The following FHIT variants were observed in gnomAD, a reference collection of about 807,000 sequenced individuals.
FHIT encodes bis(5'-adenosyl)-triphosphatase.
A neutral mutation model predicts 17.9 loss-of-function variants in FHIT; 19 were observed. That is an observed-to-expected ratio of 1.06 (90% confidence interval 0.74 to 1.56). The LOEUF is 1.56. Among genes scored for constraint, FHIT ranks in the 40% most tolerant of loss-of-function variants. FHIT has a pLI of 0.00. For missense variants in FHIT, 248 were observed against 189.2 expected (o/e 1.31, Z -1.82); for synonymous variants, 81 against 69.7 (o/e 1.16, Z -0.81).
intron 5 of FHIT, among the ~76,000 whole-genome samples, chr3:60,125,670 A>G (rs1252809952): frequency 7.8e-6 from 1 of 128,516 alleles, no homozygotes; most frequent in African/African-American, 3.0e-5. Context: ...TTGTGTATAT[A>G]TATGTGTGTG....
chr3:60,863,599 T>G (rs1217779588), intron 3 of FHIT, among the ~76,000 whole-genome samples: 4 of 152,296 alleles, frequency 2.6e-5, no homozygotes, highest in Non-Finnish European at 4.4e-5. Flanking sequence ...GTGGAATAAA[T>G]TAATGCACTC....
intron 7 of FHIT, among the ~76,000 whole-genome samples, chr3:59,954,623 G>C (rs1707302731): frequency 6.6e-6 from 1 of 152,158 alleles, no homozygotes; most frequent in Admixed American, 6.5e-5. Flanking sequence ...GCCTAGAAAG[G>C]AATGGCACAT....
intron 4 of FHIT, among the ~76,000 whole-genome samples, chr3:60,710,488 C>T (rs529488083): frequency 9.2e-5 from 14 of 152,300 alleles, no homozygotes; most frequent in South Asian, 4.2e-4. Flanking sequence ...ACTCGGGAAG[C>T]GCAAGGGATC....
chr3:59,905,527 C>T (rs1232739405), intron 8 of FHIT, among the ~76,000 whole-genome samples: 2 of 152,108 alleles, frequency 1.3e-5, no homozygotes, highest in African/African-American at 4.8e-5. Flanking sequence ...TAGGTGTGTG[C>T]AGGAGGGATG....
Position 60,434,208 on chromosome 3 carries a change from T to C in FHIT, c.103+102652A>G, listed in dbSNP as rs578144220. 6.7e-4 allele frequency among the ~76,000 whole-genome samples: 102 copies of C among 152,218 alleles called. 1 individual carries two copies. The highest frequency in any genetic ancestry group is 2.4e-3 in the African/African-American group (101 of 41,562). ...TTTCTCTCAAAATTTGCATTTCCCTTTGGGAATCTTTTGCAGTTACATCCC... is the reference window on the plus strand; with the variant it reads ...TTTCTCTCAAAATTTGCATTTCCCTCTGGGAATCTTTTGCAGTTACATCCC... On this transcript the variant is annotated intron_variant, in intron 5 of 9. Transcript: ENST00000492590.
chr3:60,942,264 G>A (rs1380374661), intron 3 of FHIT, among the ~76,000 whole-genome samples: 5 of 152,172 alleles, frequency 3.3e-5, no homozygotes, highest in East Asian at 3.9e-4. Context: ...GTTAGCACCA[G>A]CATAATTAAA....
intron 7 of FHIT, among the ~76,000 whole-genome samples, chr3:59,965,408 GTTTC>G (rs1215601335): frequency 2.6e-5 from 4 of 152,100 alleles, no homozygotes; most frequent in South Asian, 2.1e-4. Flanking sequence ...GCTTTCTACA[GTTTC>G]TTTAAGAAAA....
intron 8 of FHIT, among the ~76,000 whole-genome samples, chr3:59,812,414 T>G (rs1700439373): frequency 6.6e-6 from 1 of 152,106 alleles, no homozygotes; most frequent in South Asian, 2.1e-4. Flanking sequence ...GTCGGCACAC[T>G]CAGGGTAACG....
chr3:61,183,482 T>C (rs1444984606), intron 2 of FHIT, among the ~76,000 whole-genome samples: 4 of 152,194 alleles, frequency 2.6e-5, no homozygotes, highest in Admixed American at 2.6e-4. Context: ...TCTTCTCCCC[T>C]TGCCTGATCA....
intron 2 of FHIT, among the ~76,000 whole-genome samples, chr3:61,133,704 AATC>A (rs1284587641): frequency 1.3e-5 from 2 of 152,172 alleles, no homozygotes; most frequent in South Asian, 2.1e-4. Flanking sequence ...CCAGAGGTAG[AATC>A]CAAGCAAACT....
chr3:60,779,157 C>A (rs1700301919), intron 4 of FHIT, among the ~76,000 whole-genome samples: 1 of 152,154 alleles, frequency 6.6e-6, no homozygotes, highest in Non-Finnish European at 1.5e-5. Context: ...AAGTGTAAGA[C>A]TAAAGTCTAT....
chr3:60,907,874 T>G (rs1706519314), intron 3 of FHIT, among the ~76,000 whole-genome samples: 2 of 152,214 alleles, frequency 1.3e-5, no homozygotes, highest in South Asian at 4.1e-4. Flanking sequence ...AATAACTCTA[T>G]GTGATTGATA....
chr3:60,725,088 A>G (rs1553709094), intron 4 of FHIT, among the ~76,000 whole-genome samples: 8 of 152,110 alleles, frequency 5.3e-5, no homozygotes. Context: ...TCTTCTTTGG[A>G]GAAATGTCTA....
chr3:60,632,188 C>G (rs1416997863), intron 4 of FHIT, among the ~76,000 whole-genome samples: 3 of 151,828 alleles, frequency 2.0e-5, no homozygotes. Flanking sequence ...CTGACTAATT[C>G]TTAAATGATT....
At chr3:60,707,789 C>A (rs1355447769) in intron 4 of FHIT, among the ~76,000 whole-genome samples, 1 of 152,212 alleles carries the variant, frequency 6.6e-6, no homozygotes, top group Non-Finnish European at 1.5e-5. Context: ...CACTCCCAAA[C>A]AGATGCTGGT....
intron 7 of FHIT, among the ~76,000 whole-genome samples, chr3:59,941,879 C>G (rs6446092): frequency 0.99 from 150,717 of 152,318 alleles, 74,584 homozygotes; most frequent in Middle Eastern, 1. Context: ...TGGGTTGGCT[C>G]AACTGGCAAA....
At chr3:59,861,069 G>A (rs999239785) in intron 8 of FHIT, among the ~76,000 whole-genome samples, 5 of 152,106 alleles carry the variant, frequency 3.3e-5, no homozygotes, top group African/African-American at 7.2e-5. Flanking sequence ...ACTTGAAACA[G>A]AGCTTGACTG....
At chr3:61,188,353 A>G (rs1357893427) in intron 2 of FHIT, among the ~76,000 whole-genome samples, 2 of 152,242 alleles carry the variant, frequency 1.3e-5, no homozygotes, top group Non-Finnish European at 2.9e-5. Flanking sequence ...AAATTCCCGG[A>G]CACATACAAC....
At chr3:60,307,309 T>C (rs1307001598) in intron 5 of FHIT, among the ~76,000 whole-genome samples, 1 of 152,196 alleles carries the variant, frequency 6.6e-6, no homozygotes, top group Non-Finnish European at 1.5e-5. Flanking sequence ...TGACCTTTGA[T>C]TTCTATAGTT....
Sources: allele counts gnomAD v4.1 joint callset (sites outside exome capture counted in the v4.1 genomes callset), GRCh38; gene constraint gnomAD v4.1.1; transcripts MANE v1.5; gene names NCBI Gene and HGNC (gene_info 2026-07-23, HGNC 2026-07-21).